The following KAZN variants were observed in gnomAD, a reference collection of about 807,000 sequenced individuals.
KAZN encodes the protein kazrin, periplakin interacting protein, also known as kazrin.
Under a neutral mutation model 87.4 loss-of-function variants are expected in KAZN, and 40 were observed. The ratio of observed to expected loss-of-function variants is 0.46; its 90% confidence interval spans 0.36 to 0.60. The LOEUF (loss-of-function observed/expected upper bound fraction) is 0.60, where lower values mean the gene tolerates loss of function less well. Ranked by LOEUF, KAZN falls within the 20% of genes least tolerant of loss-of-function variation. The pLI, the probability that KAZN is intolerant of heterozygous loss-of-function variation, is 0.00. For synonymous variants in KAZN, 466 were observed against 458.3 expected (o/e 1.02, Z -0.22); for missense variants, 898 against 1,073.9 (o/e 0.84, Z 2.29).
intron 2 of KAZN, among the ~76,000 whole-genome samples, chr1:14,585,234 T>G (rs549721541): frequency 1.3e-5 from 2 of 152,316 alleles, no homozygotes; most frequent in South Asian, 4.1e-4. Context: ...TGGTTATGGT[T>G]GCCTAGCAAA....
chr1:14,004,588 T>G (rs1458516080), intron 1 of KAZN, among the ~76,000 whole-genome samples: 2 of 152,206 alleles, frequency 1.3e-5, no homozygotes. Flanking sequence ...CGATGAGAAT[T>G]TCCTAGGGAG....
chr1:14,021,723 G>A (rs1640832554), intron 1 of KAZN, among the ~76,000 whole-genome samples: 1 of 152,150 alleles, frequency 6.6e-6, no homozygotes, highest in East Asian at 1.9e-4. Context: ...TAGATGCAAT[G>A]ATCTTGTGGA....
intron 1 of KAZN, among the ~76,000 whole-genome samples, chr1:13,895,500 GAAT>G (rs1639003699): frequency 6.6e-6 from 1 of 152,008 alleles, no homozygotes; most frequent in Non-Finnish European, 1.5e-5. Flanking sequence ...ATGCAACATG[GAAT>G]AATAATGACC....
At chr1:14,958,799 C>G (rs1433951084) in intron 1 of KAZN, among the ~76,000 whole-genome samples, 1 of 152,164 alleles carries the variant, frequency 6.6e-6, no homozygotes, top group African/African-American at 2.4e-5. Context: ...TCCCCTGGTC[C>G]CTCTGTGATC....
chr1:14,220,899 G>A (rs1247826229), intron 2 of KAZN, among the ~76,000 whole-genome samples: 1 of 152,112 alleles, frequency 6.6e-6, no homozygotes, highest in South Asian at 2.1e-4. Flanking sequence ...TTTATTACAG[G>A]CACAGCATCT....
rs1261518328 is a variant in KAZN at position 15,095,011 on chromosome 1, C to T, written c.1547+78C>T. 3.2e-5 allele frequency: 32 copies of T among 1,005,840 alleles called. No homozygotes were observed. The Middle Eastern group carries it at 9.2e-4, about 29-fold the overall frequency. 62.3% of individuals were successfully genotyped at this position (1,005,840 alleles called of 1,614,324 possible). A position where few individuals can be genotyped will look rare whatever the true frequency, so the allele number is the denominator to read the frequency against. Reference sequence around the variant, plus strand: ...CCTTTGGTCACACAGGTGGGGTGAGCGGGGCACTGTGGGCTGAACCAGGTG... The same window carrying T: ...CCTTTGGTCACACAGGTGGGGTGAGTGGGGCACTGTGGGCTGAACCAGGTG... On this transcript the variant is annotated intron_variant, in intron 10 of 14. Transcript: ENST00000376030.
chr1:14,280,216 G>C (rs1236490260), intron 2 of KAZN, among the ~76,000 whole-genome samples: 1 of 151,608 alleles, frequency 6.6e-6, no homozygotes, highest in East Asian at 1.9e-4. Flanking sequence ...CAAAAAATTA[G>C]CCAGAAGTGA....
At chr1:14,379,395 G>A (rs1661181354) in intron 2 of KAZN, among the ~76,000 whole-genome samples, 1 of 152,034 alleles carries the variant, frequency 6.6e-6, no homozygotes, top group South Asian at 2.1e-4. Context: ...TTTCACCTTA[G>A]GTACCTGCTC....
At position 15,053,195 on chromosome 1, in the gene KAZN, G is replaced by A. The variant is rs369702664; in HGVS notation, c.727-2896G>A. Among the ~76,000 whole-genome samples the A allele has an allele frequency of 1.9e-4, 29 of 152,342 alleles. No individual in the cohort carries two copies. The South Asian group carries it at 5.4e-3, about 28-fold the overall frequency. On this transcript the variant is annotated intron_variant, in intron 4 of 14. Transcript: ENST00000376030. ...GAGTGGGGCATCCCCCTAAGACTGC[G>A]AGTGTAGCAGTGTGGAGGGCCAGGG...
At chr1:14,052,741 G>A (rs1642393653) in intron 1 of KAZN, among the ~76,000 whole-genome samples, 1 of 152,068 alleles carries the variant, frequency 6.6e-6, no homozygotes, top group East Asian at 1.9e-4. Context: ...AGAGAGGGAG[G>A]CCTTTTCCTC....
chr1:14,493,019 C>G (rs796995510), intron 2 of KAZN, among the ~76,000 whole-genome samples: 5 of 151,740 alleles, frequency 3.3e-5, no homozygotes, highest in African/African-American at 1.2e-4. Flanking sequence ...ACATTCTTCC[C>G]TAGACGTTCG....
chr1:13,894,907 T>G (rs530627529), intron 1 of KAZN, among the ~76,000 whole-genome samples: 1 of 152,072 alleles, frequency 6.6e-6, no homozygotes, highest in Non-Finnish European at 1.5e-5. Flanking sequence ...GCTCGTGGAG[T>G]GGGTGAGTGA....
At chr1:14,506,844 G>A (rs1011820886) in intron 2 of KAZN, among the ~76,000 whole-genome samples, 11 of 152,196 alleles carry the variant, frequency 7.2e-5, no homozygotes, top group African/African-American at 2.7e-4. Context: ...GATTAAATAG[G>A]AAAAGATACG....
intron 1 of KAZN, among the ~76,000 whole-genome samples, chr1:14,069,694 A>G (rs1643164286): frequency 6.6e-6 from 1 of 152,198 alleles, no homozygotes. Flanking sequence ...TGATTTCTGA[A>G]AAATCTTCCT....
At chr1:14,801,926 C>T (rs932970723) in intron 1 of KAZN, among the ~76,000 whole-genome samples, 4 of 151,924 alleles carry the variant, frequency 2.6e-5, no homozygotes, top group African/African-American at 7.3e-5. Flanking sequence ...CCTCGTAATC[C>T]GCCCGCCTTG....
At chr1:14,397,861 CA>C (rs761120479) in intron 2 of KAZN, among the ~76,000 whole-genome samples, 2,656 of 40,650 alleles carry the variant, frequency 0.065, 19 homozygotes, top group African/African-American at 0.082. Context: ...AACTCCATCT[CA>C]AAAAAAAAAA....
intron 1 of KAZN, among the ~76,000 whole-genome samples, chr1:14,859,136 G>A (rs1252777930): frequency 6.6e-6 from 1 of 151,922 alleles, no homozygotes; most frequent in African/African-American, 2.4e-5. Context: ...GAACCTGGGA[G>A]GTGGAGTTTG....
At chr1:14,914,961 C>T (rs1392305627) in intron 1 of KAZN, among the ~76,000 whole-genome samples, 1 of 152,246 alleles carries the variant, frequency 6.6e-6, no homozygotes, top group South Asian at 2.1e-4. Context: ...GAGGCTGAGG[C>T]GGGCGGATCA....
chr1:15,048,205 G>C (rs1336693652), intron 4 of KAZN, among the ~76,000 whole-genome samples: 1 of 152,190 alleles, frequency 6.6e-6, no homozygotes, highest in Non-Finnish European at 1.5e-5. Flanking sequence ...TGCTTCACTT[G>C]GGGAAAAGCC....
Sources: gnomAD v4.1 joint callset for allele counts (sites outside exome capture counted in the v4.1 genomes callset) on GRCh38, gnomAD v4.1.1 for gene constraint, MANE v1.5 for transcripts, NCBI Gene and HGNC (gene_info 2026-07-23, HGNC 2026-07-21) for gene names.